Variants in MEF2D observed in about 807,000 individuals in gnomAD.
MEF2D encodes the protein myocyte-specific enhancer factor 2D.
MEF2D carries 10 observed loss-of-function variants against 59.3 expected under a neutral mutation model. That is an observed-to-expected ratio of 0.17 (90% CI 0.10 to 0.29). The LOEUF (loss-of-function observed/expected upper bound fraction) is 0.29, where lower values mean the gene tolerates loss of function less well. Among genes scored for constraint, MEF2D ranks in the 10% least tolerant of loss-of-function variants. MEF2D has a pLI of 1.00. For synonymous variants in MEF2D, 305 were observed against 295.0 expected (o/e 1.03, Z -0.35); for missense variants, 508 against 699.4 (o/e 0.73, Z 3.09).
chr1:156,491,308 C>G (rs1228722888), intron 1 of MEF2D, among the ~76,000 whole-genome samples: 2 of 152,214 alleles, frequency 1.3e-5, no homozygotes, highest in African/African-American at 4.8e-5. Flanking sequence ...CCCAAATGCC[C>G]TTCTGGCCCA....
At chr1:156,474,432 A>G (rs1299852749) in intron 9 of MEF2D, among the ~76,000 whole-genome samples, 1 of 152,102 alleles carries the variant, frequency 6.6e-6, no homozygotes, top group African/African-American at 2.4e-5. Context: ...CTAGGTGACA[A>G]GAGTGAGACT....
intron 1 of MEF2D, among the ~76,000 whole-genome samples, chr1:156,496,665 C>T (rs1176457030): frequency 1.3e-5 from 2 of 152,178 alleles, no homozygotes; most frequent in African/African-American, 4.8e-5. Flanking sequence ...ATCCTTTAAT[C>T]ATCTTTGCCA....
rs1303682609 is a variant in MEF2D, at chr1:156,466,561, A to G, written c.*1084T>C. 1 of 152,802 alleles carries G rather than the reference A, an allele frequency of 6.5e-6. No homozygotes were observed. The highest frequency in any genetic ancestry group is 2.4e-5 in the African/African-American group (1 of 41,414). The allele number at this position is 152,802 out of a possible 1,614,324, so 9.5% of individuals were successfully genotyped here. On this transcript the variant is annotated 3_prime_UTR_variant, in exon 12 of 12. Coordinates refer to ENST00000348159, the MANE Select transcript of MEF2D (RefSeq NM_005920.4). Reference sequence around the variant, plus strand: ...ACCCATCCGTAGGCCCTCCCACCCCACAGACCATCCCAGTGTTGACTCCCC... The same window carrying G: ...ACCCATCCGTAGGCCCTCCCACCCCGCAGACCATCCCAGTGTTGACTCCCC...
At chr1:156,472,017 C>A (rs1671263594) in intron 9 of MEF2D, among the ~76,000 whole-genome samples, 1 of 152,230 alleles carries the variant, frequency 6.6e-6, no homozygotes, top group Non-Finnish European at 1.5e-5. Flanking sequence ...TTCCTGAGTG[C>A]CTGTCCCAGG....
intron 9 of MEF2D, among the ~76,000 whole-genome samples, chr1:156,471,333 G>A (rs1005450088): frequency 1.3e-5 from 2 of 152,166 alleles, no homozygotes; most frequent in Non-Finnish European, 2.9e-5. Context: ...GTTTTACCAC[G>A]TTGGTCAGGC....
chr1:156,477,201 C>A lies in MEF2D; in HGVS notation c.666G>T (p.Gly222=). Reference sequence around the variant, plus strand: ...AAGCCCGAGCACTGACGTAGCCATTCCCTGGAGAAGTGACAACAAGAGGGT... The same window carrying A: ...AAGCCCGAGCACTGACGTAGCCATTACCTGGAGAAGTGACAACAAGAGGGT... The part of the protein sequence containing the change: ...SANGACPSPV[G]NGYVSARASP... The change falls in exon 7 of 12, where the codon GGG becomes GGT. Residue 222 remains glycine, a splice_region_variant and synonymous_variant. Transcript: ENST00000348159. 2 of 1,595,834 alleles carry A rather than the reference C, an allele frequency of 1.3e-6. No individual in the cohort carries two copies. The highest frequency in any genetic ancestry group is 1.1e-5 in the South Asian group (1 of 88,718).
rs74468213 is a variant in MEF2D at position 156,468,217 on chromosome 1, A to C, written c.1330T>G (p.Ser444Ala). The change falls in exon 11 of 12, where the codon TCC (serine) becomes GCC (alanine). Residue 444 changes from serine to alanine, a missense_variant. This residue lies in a region of MEF2D where 481 missense variants were observed against 584.7 expected (regional missense o/e 0.82). Coordinates refer to ENST00000348159, the MANE Select transcript of MEF2D (RefSeq NM_005920.4). This position sits in a 1 kb window ranked among gnomAD's most constrained non-coding sequence, Gnocchi z 4.3. ...GCAGGGCTGCGCTCACGGCTTGGGG[A>C]CACCGGTTCTGACTTGATGCTGATG... ...PHISIKSEPVSPSRERSPAPP... is the reference protein window; with the variant it reads ...PHISIKSEPVAPSRERSPAPP... 1 of 1,611,178 alleles carries C rather than the reference A, an allele frequency of 6.2e-7. No homozygotes were observed. The highest frequency in any genetic ancestry group is 2.2e-5 in the East Asian group (1 of 44,790).
intron 7 of MEF2D, 176 bp downstream of exon 7, chr1:156,476,836 C>T (rs1029994334): frequency 4.8e-5 from 36 of 749,262 alleles, no homozygotes; most frequent in South Asian, 1.7e-4. Context: ...TGTGCTGCAA[C>T]CTCTTAAAAG....
At chr1:156,485,520 TTC>T (rs1417670072) in intron 1 of MEF2D, among the ~76,000 whole-genome samples, 1 of 89,532 alleles carries the variant, frequency 1.1e-5, no homozygotes, top group Non-Finnish European at 2.2e-5. Context: ...CTTCTCCTTC[TTC>T]TTTTTTTTTT....
chr1:156,477,172 G>A lies in MEF2D; in HGVS notation c.695C>T (p.Pro232Leu). 6.2e-7 allele frequency: 1 copy of A among 1,611,728 alleles called. No homozygotes were observed. Among genetic ancestry groups the A allele is most frequent in the Non-Finnish European group, 8.5e-7 (1 of 1,178,590 alleles). The change falls in exon 7 of 12, where the codon CCT becomes CTT. Residue 232 changes from proline to leucine, a missense_variant. Physicochemically the swap from Pro to Leu is moderately conservative, Grantham distance 98. Transcript: ENST00000348159. ...GCCATTGGCCACAGGGAGGAGGCCA[G>A]GGGAAGCCCGAGCACTGACGTAGCC... ...GNGYVSARAS[P>L]GLLPVANGNS...
Position 156,480,856 on chromosome 1 carries a change from T to A in MEF2D, c.374A>T (p.Asp125Val). 1 of 1,598,648 alleles carries A rather than the reference T, an allele frequency of 6.3e-7. No individual in the cohort carries two copies. Among genetic ancestry groups the A allele is most frequent in the Non-Finnish European group, 8.5e-7 (1 of 1,172,912 alleles). Residue 125 changes from aspartate (D) to valine (V), a missense_variant, in exon 4 of 12, where the codon GAC (aspartate) becomes GTC (valine). Around this residue, in one of 2 missense-constraint regions of MEF2D, gnomAD observed 481 missense variants for 584.7 expected, o/e 0.82. Transcript: ENST00000348159. ...DKYRRASEEL[D>V]GLFRRYGSTV... ...CACCCCATAGCGCCGGAAGAGCCCG[T>A]CGAGCTCCTCGCTGGCGCGTCGGTA...
chr1:156,472,087 G>A (rs1376440732), intron 9 of MEF2D, among the ~76,000 whole-genome samples: 1 of 152,196 alleles, frequency 6.6e-6, no homozygotes, highest in Non-Finnish European at 1.5e-5. Context: ...CCAACAAGAT[G>A]GCAGAAAAAC....
chr1:156,470,770 C>T (rs1434086809), intron 9 of MEF2D, among the ~76,000 whole-genome samples: 1 of 152,088 alleles, frequency 6.6e-6, no homozygotes, highest in Admixed American at 6.6e-5. Context: ...AGTTAATACA[C>T]AAAAAGCATG....
chr1:156,480,117 G>A (rs577308064), intron 4 of MEF2D, among the ~76,000 whole-genome samples: 3 of 152,248 alleles, frequency 2.0e-5, no homozygotes, highest in South Asian at 2.1e-4. Context: ...CAGGACACAC[G>A]GGGAGCAGGT....
chr1:156,475,620 G>A lies in MEF2D; in HGVS notation c.877-383C>T, dbSNP rs1196938156. Among the ~76,000 whole-genome samples, 8 of 152,260 alleles carry A rather than the reference G, an allele frequency of 5.3e-5. No homozygotes were observed. The East Asian group carries it at 5.8e-4, about 11-fold the overall frequency. ...CTGCAGCACACGCCCCGGCAGAGGC[G>A]TGCTGGCATCTGCGAGGGGAATGTG... On this transcript the variant is annotated intron_variant, in intron 8 of 11. Coordinates refer to ENST00000348159, the MANE Select transcript of MEF2D (RefSeq NM_005920.4).
At chr1:156,469,104 T>C (rs2101987267) in intron 9 of MEF2D, 84 bp from the exon 10 acceptor site, 1 of 1,506,574 alleles carries the variant, frequency 6.6e-7, no homozygotes, top group East Asian at 2.3e-5. Context: ...AGGAGGACTG[T>C]GGGGATGAGG....
chr1:156,474,736 G>A (rs1229912943), intron 9 of MEF2D, among the ~76,000 whole-genome samples: 1 of 152,180 alleles, frequency 6.6e-6, no homozygotes, highest in Non-Finnish European at 1.5e-5. Context: ...CTTGAGCCCA[G>A]GAGTTCAAGG....
At chr1:156,486,152 C>T (rs1167782668) in intron 1 of MEF2D, among the ~76,000 whole-genome samples, 1 of 152,170 alleles carries the variant, frequency 6.6e-6, no homozygotes, top group Admixed American at 6.5e-5. Context: ...GGGACAAGAG[C>T]AACACCAGCC....
chr1:156,471,184 T>C (rs1038954796), intron 9 of MEF2D, among the ~76,000 whole-genome samples: 6 of 152,128 alleles, frequency 3.9e-5, no homozygotes, highest in African/African-American at 1.4e-4. Flanking sequence ...ACCTCCTGAG[T>C]AGCTGGCGTG....
Sources: allele counts gnomAD v4.1 joint callset (sites outside exome capture counted in the v4.1 genomes callset), GRCh38; gene constraint gnomAD v4.1.1; regional missense constraint gnomAD v4.1.1; non-coding constraint Gnocchi (gnomAD v3.1); transcripts MANE v1.5; gene names NCBI Gene and HGNC (gene_info 2026-07-23, HGNC 2026-07-21).